Variants in DGLUCY observed in about 807,000 individuals in gnomAD.
DGLUCY encodes the protein D-glutamate cyclase.
A neutral mutation model predicts 58.5 loss-of-function variants in DGLUCY; 58 were observed. The ratio of observed to expected loss-of-function variants is 0.99; its 90% CI spans 0.80 to 1.23. The LOEUF is 1.23. Ranked by LOEUF, DGLUCY falls within the 50% of genes most tolerant of loss-of-function variation. The probability of loss-of-function intolerance (pLI) is 0.00; values close to 1 mark genes in which losing one functional copy is unlikely to be tolerated. For synonymous variants in DGLUCY, 325 were observed against 314.1 expected (o/e 1.03, Z -0.37); for missense variants, 779 against 784.7 (o/e 0.99, Z 0.09).
chr14:91,185,221 G>A (rs2049429762), intron 8 of DGLUCY, among the ~76,000 whole-genome samples: 1 of 148,490 alleles, frequency 6.7e-6, no homozygotes, highest in South Asian at 2.1e-4. Flanking sequence ...TGCCCACCTC[G>A]GCCTCCCAAA....
intron 1 of DGLUCY, among the ~76,000 whole-genome samples, chr14:91,089,881 A>G (rs2044281790): frequency 6.6e-6 from 1 of 152,022 alleles, no homozygotes; most frequent in South Asian, 2.1e-4. Context: ...TAAAAATAAA[A>G]TTTTTATAAA....
chr14:91,183,287 T>C (rs533380205), intron 8 of DGLUCY, among the ~76,000 whole-genome samples: 1 of 152,304 alleles, frequency 6.6e-6, no homozygotes, highest in East Asian at 1.9e-4. Flanking sequence ...TGAGCCACCA[T>C]GCCTGGCCCT....
At chr14:91,207,855 T>A (rs556233867) in intron 12 of DGLUCY, among the ~76,000 whole-genome samples, 7 of 152,288 alleles carry the variant, frequency 4.6e-5, no homozygotes, top group Non-Finnish European at 1.0e-4. Context: ...CAAGCGATTC[T>A]CCTGCCTCAG....
At chr14:91,199,270 T>A (rs1595899317) in intron 10 of DGLUCY, among the ~76,000 whole-genome samples, 2 of 151,788 alleles carry the variant, frequency 1.3e-5, no homozygotes, top group South Asian at 4.2e-4. Context: ...GGATTTTTTT[T>A]TTTTTTCAAG....
chr14:91,167,506 C>T (rs1566978449), intron 4 of DGLUCY, 128 bp downstream of exon 4: 1 of 1,244,476 alleles, frequency 8.0e-7, no homozygotes, highest in Non-Finnish European at 1.2e-6. Context: ...CAGAACCTCA[C>T]TCATGACTGT....
chr14:91,183,159 TTTG>T (rs1166436093), intron 8 of DGLUCY, among the ~76,000 whole-genome samples: 1 of 151,552 alleles, frequency 6.6e-6, no homozygotes, highest in Non-Finnish European at 1.5e-5. Flanking sequence ...ACCTGGCTAA[TTTG>T]TTGTTGTATT....
intron 13 of DGLUCY, among the ~76,000 whole-genome samples, chr14:91,218,469 C>T (rs1244340634): frequency 6.7e-6 from 1 of 150,218 alleles, no homozygotes; most frequent in East Asian, 2.0e-4. Flanking sequence ...GTGGAGAAAT[C>T]TCAGCTCACT....
At chr14:91,150,108 A>G (rs900000276) in intron 1 of DGLUCY, among the ~76,000 whole-genome samples, 3 of 150,266 alleles carry the variant, frequency 2.0e-5, no homozygotes, top group African/African-American at 7.3e-5. Context: ...AGTCCCAGCT[A>G]CTCAGGAGGC....
intron 7 of DGLUCY, among the ~76,000 whole-genome samples, chr14:91,178,351 A>T (rs928538309): frequency 6.6e-6 from 1 of 151,970 alleles, no homozygotes; most frequent in Non-Finnish European, 1.5e-5. Flanking sequence ...TTTTGTGGAG[A>T]TGGGGTCTCA....
chr14:91,176,146 G>T, intron 7 of DGLUCY, 90 bp downstream of exon 7: 1 of 1,451,304 alleles, frequency 6.9e-7, no homozygotes, highest in Non-Finnish European at 9.2e-7. Context: ...GTAGTACAAT[G>T]ATTTAAAAAT....
rs777327159 is a variant in DGLUCY at position 91,175,974 on chromosome 14, G to T, written c.648G>T (p.Gly216=). 2 of 1,614,032 alleles carry T rather than the reference G, an allele frequency of 1.2e-6. No individual in the cohort carries two copies. The highest frequency in any genetic ancestry group is 1.7e-6 in the Non-Finnish European group (2 of 1,179,934). Residue 216 remains glycine (G), a synonymous_variant, in exon 7 of 14, where the codon GGG becomes GGT. Coordinates refer to ENST00000256324, the MANE Select transcript of DGLUCY (RefSeq NM_001102368.3). The part of the protein sequence containing the change: ...GIKELSKPAY[G]DAMVCPPGEV... ...AAGAGCTTTCCAAACCTGCCTACGG[G>T]GATGCCATGGTGTGTCCCCCAGGGG...
chr14:91,125,042 A>G (rs1001294372), intron 1 of DGLUCY, among the ~76,000 whole-genome samples: 7 of 152,144 alleles, frequency 4.6e-5, no homozygotes, highest in Non-Finnish European at 1.0e-4. Flanking sequence ...TGCCTCTTTT[A>G]AAAGGTTCTA....
At chr14:91,223,141 C>T (rs1348441984) in intron 13 of DGLUCY, among the ~76,000 whole-genome samples, 1 of 152,180 alleles carries the variant, frequency 6.6e-6, no homozygotes, top group Admixed American at 6.5e-5. Context: ...AGAAAATGTT[C>T]CCTGAACCAT....
chr14:91,148,303 C>T (rs2140287939), intron 1 of DGLUCY, among the ~76,000 whole-genome samples: 1 of 151,714 alleles, frequency 6.6e-6, no homozygotes, highest in East Asian at 2.0e-4. Context: ...CCCCAAGGCT[C>T]AAGCGATATT....
chr14:91,081,548 C>T (rs2044127712), intron 1 of DGLUCY, among the ~76,000 whole-genome samples: 1 of 152,072 alleles, frequency 6.6e-6, no homozygotes, highest in Admixed American at 6.5e-5. Context: ...GTCAGAAGTC[C>T]AAAATGGGTC....
intron 1 of DGLUCY, among the ~76,000 whole-genome samples, chr14:91,118,243 G>A (rs561082427): frequency 5.3e-5 from 8 of 151,886 alleles, no homozygotes; most frequent in African/African-American, 1.7e-4. Context: ...CCCCCACCAC[G>A]CCTGGCTAAT....
chr14:91,183,724 C>T (rs1301934432), intron 8 of DGLUCY, among the ~76,000 whole-genome samples: 1 of 152,150 alleles, frequency 6.6e-6, no homozygotes, highest in Non-Finnish European at 1.5e-5. Context: ...CAAAGACTTT[C>T]CAAAATCCAC....
intron 1 of DGLUCY, among the ~76,000 whole-genome samples, chr14:91,072,871 C>T (rs1351223828): frequency 6.6e-6 from 1 of 151,696 alleles, no homozygotes; most frequent in Non-Finnish European, 1.5e-5. Flanking sequence ...TAGCTGGGCA[C>T]GGTGGCGGGC....
intron 1 of DGLUCY, among the ~76,000 whole-genome samples, chr14:91,137,081 C>G (rs1025448728): frequency 2.6e-5 from 4 of 151,406 alleles, no homozygotes; most frequent in Non-Finnish European, 4.4e-5. Flanking sequence ...AGAGAGTGAT[C>G]TAATGCTCAT....
Sources: gnomAD v4.1 joint callset for allele counts (sites outside exome capture counted in the v4.1 genomes callset) on GRCh38, gnomAD v4.1.1 for gene constraint, MANE v1.5 for transcripts, NCBI Gene and HGNC (gene_info 2026-07-23, HGNC 2026-07-21) for gene names.